MTTP: variants seen among roughly 807,000 people sequenced by gnomAD.
MTTP encodes the protein microsomal triglyceride transfer protein large subunit.
MTTP carries 49 observed loss-of-function variants against 90.6 expected under a neutral mutation model. The observed-to-expected ratio is 0.54, with a 90% CI of 0.43 to 0.69. MTTP has a LOEUF of 0.69. Ranked by LOEUF, MTTP falls within the 30% of genes least tolerant of loss-of-function variation. MTTP has a pLI of 0.00. For synonymous variants in MTTP, 347 were observed against 384.2 expected (o/e 0.90, Z 1.13); for missense variants, 945 against 1,067.5 (o/e 0.89, Z 1.60).
At position 99,600,693 on chromosome 4, in the gene MTTP, T is replaced by G. The variant is rs772144528; in HGVS notation, c.1196T>G (p.Phe399Cys). Residue 399 changes from phenylalanine (F) to cysteine (C), a missense_variant, in exon 9 of 18, where the codon TTT becomes TGT. Physicochemically the swap from Phe to Cys is radical, Grantham distance 205 (BLOSUM62 -2). Coordinates refer to ENST00000265517, the MANE Select transcript of MTTP (RefSeq NM_001386140.1). ...LQERFLYACG[F>C]ASHPNEELLR... ...GAGAGGTTTCTCTATGCCTGTGGAT[T>G]TGCTTCTCATCCCAATGAAGAACTC... The G allele has an allele frequency of 6.2e-6, 10 of 1,613,836 alleles. No homozygotes were observed. The highest frequency in any genetic ancestry group is 8.5e-6 in the Non-Finnish European group (10 of 1,179,820).
At chr4:99,617,590 A>G (rs534946310) in intron 15 of MTTP, among the ~76,000 whole-genome samples, 20 of 152,186 alleles carry the variant, frequency 1.3e-4, no homozygotes, top group Non-Finnish European at 2.6e-4. Flanking sequence ...CTTTGGAGGA[A>G]TATCAAAATT....
chr4:99,621,341 A>G, intron 17 of MTTP, 110 bp downstream of exon 17: 3 of 1,364,566 alleles, frequency 2.2e-6, no homozygotes, highest in Non-Finnish European at 3.1e-6. Context: ...GTAGAAACCC[A>G]GGGAAAGATG....
chr4:99,581,844 A>C, intron 1 of MTTP, 61 bp from the exon 2 acceptor site: 1 of 1,549,892 alleles, frequency 6.5e-7, no homozygotes, highest in South Asian at 1.1e-5. Context: ...AGATGCACTG[A>C]TGGTGAGACA....
At chr4:99,573,107 G>A (rs1724875011), upstream of MTTP, among the ~76,000 whole-genome samples, 1 of 152,040 alleles carries the variant, frequency 6.6e-6, no homozygotes, top group Admixed American at 6.6e-5. Flanking sequence ...TTTACCCGAA[G>A]GGCACGTATC....
chr4:99,590,993 G>T (rs1215939977), intron 4 of MTTP, among the ~76,000 whole-genome samples: 1 of 152,010 alleles, frequency 6.6e-6, no homozygotes, highest in Non-Finnish European at 1.5e-5. Context: ...AGAGAAGTAG[G>T]AAATCCCACA....
chr4:99,611,140 C>T lies in MTTP; in HGVS notation c.1770-3C>T, dbSNP rs370581999. Reference sequence around the variant, plus strand: ...CAGCTTTTTTTTTCCTCATATGTTGCAGCAAAATTGTCCGTCGAGTTCTGA... The same window carrying T: ...CAGCTTTTTTTTTCCTCATATGTTGTAGCAAAATTGTCCGTCGAGTTCTGA... On this transcript the variant is annotated splice_polypyrimidine_tract_variant and splice_region_variant and intron_variant, in intron 12 of 17. Coordinates refer to ENST00000265517, the MANE Select transcript of MTTP (RefSeq NM_001386140.1). The T allele has an allele frequency of 4.0e-5, 65 of 1,612,958 alleles. No homozygotes were observed. The highest frequency in any genetic ancestry group is 4.9e-5 in the Non-Finnish European group (58 of 1,179,338).
intron 3 of MTTP, among the ~76,000 whole-genome samples, chr4:99,585,346 G>A (rs1011290283): frequency 1.3e-5 from 2 of 152,060 alleles, no homozygotes; most frequent in South Asian, 2.1e-4. Flanking sequence ...ATTTGCCTAT[G>A]GTCATACAAC....
At chr4:99,614,587 T>G (rs1481376755) in intron 15 of MTTP, among the ~76,000 whole-genome samples, 1 of 152,186 alleles carries the variant, frequency 6.6e-6, no homozygotes, top group Non-Finnish European at 1.5e-5. Flanking sequence ...TCTTAAGATA[T>G]CATCAGAATC....
chr4:99,620,927 C>A, intron 16 of MTTP, 134 bp from the exon 17 acceptor site: 1 of 811,876 alleles, frequency 1.2e-6, no homozygotes, highest in Non-Finnish European at 1.9e-6. Flanking sequence ...ACATCCAGGT[C>A]ACCTCTGAAT....
chr4:99,607,973 T>TA (rs76202652), intron 11 of MTTP, among the ~76,000 whole-genome samples: 21,302 of 151,590 alleles, frequency 0.14, 1,881 homozygotes, highest in East Asian at 0.44. Context: ...GTCTATTAAT[T>TA]AAAAAAAAGA....
At chr4:99,572,314 C>T (rs1406822821), upstream of MTTP, among the ~76,000 whole-genome samples, 1 of 151,880 alleles carries the variant, frequency 6.6e-6, no homozygotes, top group Non-Finnish European at 1.5e-5. Context: ...AATGTCTAAC[C>T]ACAATTTCAC....
intron 1 of MTTP, among the ~76,000 whole-genome samples, chr4:99,577,803 T>C (rs1456274155): frequency 6.6e-6 from 1 of 152,170 alleles, no homozygotes; most frequent in African/African-American, 2.4e-5. Context: ...GGTTGGACTA[T>C]TTTCAGCGCC....
intron 8 of MTTP, among the ~76,000 whole-genome samples, chr4:99,598,943 G>A (rs776041219): frequency 1.3e-5 from 2 of 152,214 alleles, no homozygotes; most frequent in African/African-American, 2.4e-5. Flanking sequence ...GATTACAGGC[G>A]TGAGCCACCG....
At chr4:99,603,233 G>A (rs866088578) in intron 10 of MTTP, among the ~76,000 whole-genome samples, 1 of 152,150 alleles carries the variant, frequency 6.6e-6, no homozygotes, top group East Asian at 1.9e-4. Flanking sequence ...ATAAGTGACA[G>A]TGGAGACACA....
At chr4:99,620,973 C>A in intron 16 of MTTP, 88 bp from the exon 17 acceptor site, 6 of 1,265,202 alleles carry the variant, frequency 4.7e-6, no homozygotes, top group Non-Finnish European at 6.7e-6. Flanking sequence ...TGGCATCATA[C>A]GTTCAGACCC....
At chr4:99,592,793 G>C (rs1725464319) in intron 6 of MTTP, among the ~76,000 whole-genome samples, 1 of 152,088 alleles carries the variant, frequency 6.6e-6, no homozygotes, top group South Asian at 2.1e-4. Flanking sequence ...TTTTTAATAA[G>C]TAGAAGAAGT....
rs775108353 is a variant in MTTP, at chr4:99,600,732, T to A, written c.1235T>A (p.Ile412Asn). The A allele has an allele frequency of 1.9e-6, 3 of 1,613,318 alleles. No homozygotes were observed. Among genetic ancestry groups the A allele is most frequent in the Middle Eastern group, 1.6e-4 (1 of 6,076 alleles). Residue 412 changes from isoleucine (I) to asparagine (N), a missense_variant and splice_region_variant, in exon 9 of 18, where the codon ATT becomes AAT. Coordinates refer to ENST00000265517, the MANE Select transcript of MTTP (RefSeq NM_001386140.1). ...HPNEELLRALISKFKGSIGSS... is the reference protein window; with the variant it reads ...HPNEELLRALNSKFKGSIGSS... ...AATGAAGAACTCCTGAGAGCCCTCA[T>A]TGTAAGTCAAATAGAAAATAAAGAC...
At chr4:99,611,839 T>C (rs1481767697) in intron 14 of MTTP, among the ~76,000 whole-genome samples, 3 of 152,230 alleles carry the variant, frequency 2.0e-5, no homozygotes, top group South Asian at 2.1e-4. Flanking sequence ...TTCTAGAATA[T>C]ATTTTCCTTT....
At chr4:99,616,992 T>C (rs1726112995) in intron 15 of MTTP, among the ~76,000 whole-genome samples, 1 of 152,140 alleles carries the variant, frequency 6.6e-6, no homozygotes, top group South Asian at 2.1e-4. Flanking sequence ...ATTTTCAAAT[T>C]AGGAAGAGAG....
Sources: allele counts gnomAD v4.1 joint callset (sites outside exome capture counted in the v4.1 genomes callset), GRCh38; gene constraint gnomAD v4.1.1; transcripts MANE v1.5; gene names NCBI Gene and HGNC (gene_info 2026-07-23, HGNC 2026-07-21).